Variants in CYP7B1 observed in about 807,000 individuals in gnomAD.
CYP7B1 encodes the protein cytochrome P450 family 7 subfamily B member 1.
A neutral mutation model predicts 42.7 loss-of-function variants in CYP7B1; 29 were observed. That is an observed-to-expected ratio of 0.68 (90% confidence interval 0.51 to 0.93). The LOEUF (loss-of-function observed/expected upper bound fraction) is 0.93, where lower values mean the gene tolerates loss of function less well. Ranked by LOEUF, CYP7B1 falls within the 40% of genes least tolerant of loss-of-function variation. The pLI, the probability that CYP7B1 is intolerant of heterozygous loss-of-function variation, is 0.00. For missense variants in CYP7B1, 655 were observed against 600.5 expected (o/e 1.09, Z -0.95); for synonymous variants, 235 against 218.2 (o/e 1.08, Z -0.68).
chr8:64,643,184 T>TATATACACATATATACATATATATAC (rs1563374423), intron 1 of CYP7B1, among the ~76,000 whole-genome samples: 7 of 38,214 alleles, frequency 1.8e-4, no homozygotes, highest in Non-Finnish European at 5.1e-4. Flanking sequence ...TATATATACA[T>TATATACACATATATACATATATATAC]ATATATATAC....
At chr8:64,756,176 C>A (rs1026795529) in intron 1 of CYP7B1, among the ~76,000 whole-genome samples, 23 of 152,168 alleles carry the variant, frequency 1.5e-4, no homozygotes, top group African/African-American at 1.9e-4. Context: ...ATTTCCCCCC[C>A]TCTAGTCCTT....
At chr8:64,685,985 C>T (rs1308449046) in intron 1 of CYP7B1, among the ~76,000 whole-genome samples, 2 of 47,678 alleles carry the variant, frequency 4.2e-5, no homozygotes, top group African/African-American at 1.0e-4. Context: ...CGCCTCTGCC[C>T]GGCCGCCCCT....
chr8:64,682,830 T>C (rs1349305979), intron 1 of CYP7B1, among the ~76,000 whole-genome samples: 1 of 152,184 alleles, frequency 6.6e-6, no homozygotes, highest in Non-Finnish European at 1.5e-5. Context: ...CTATCCATCA[T>C]CTCCACTGGG....
intron 4 of CYP7B1, among the ~76,000 whole-genome samples, chr8:64,609,409 G>A (rs1010825627): frequency 2.6e-5 from 4 of 152,160 alleles, no homozygotes; most frequent in Non-Finnish European, 2.9e-5. Context: ...ATACTGAGGT[G>A]AAATTTTCCT....
At chr8:64,608,466 T>C (rs1293762799) in intron 4 of CYP7B1, among the ~76,000 whole-genome samples, 3 of 152,188 alleles carry the variant, frequency 2.0e-5, no homozygotes, top group African/African-American at 4.8e-5. Context: ...ATCTTAATGA[T>C]TGGTGCAGGC....
At chr8:64,754,019 TG>T (rs1263932209) in intron 1 of CYP7B1, among the ~76,000 whole-genome samples, 1 of 151,764 alleles carries the variant, frequency 6.6e-6, no homozygotes, top group Non-Finnish European at 1.5e-5. Flanking sequence ...GAGGCCAGTG[TG>T]GTTGGTGCTC....
At chr8:64,620,681 A>G (rs1307093244) in intron 2 of CYP7B1, among the ~76,000 whole-genome samples, 1 of 152,210 alleles carries the variant, frequency 6.6e-6, no homozygotes, top group Non-Finnish European at 1.5e-5. Flanking sequence ...CATTTTCTAA[A>G]TGAGCTACTT....
intron 1 of CYP7B1, among the ~76,000 whole-genome samples, chr8:64,715,539 A>G (rs1354498253): frequency 3.3e-5 from 5 of 152,220 alleles, no homozygotes; most frequent in African/African-American, 1.2e-4. Context: ...AGAGAAGAGG[A>G]AAGAACATCC....
At chr8:64,782,914 T>C (rs1804453577) in intron 1 of CYP7B1, among the ~76,000 whole-genome samples, 1 of 152,164 alleles carries the variant, frequency 6.6e-6, no homozygotes, top group East Asian at 1.9e-4. Context: ...AGACAATGTG[T>C]AACAGTGAAG....
intron 1 of CYP7B1, among the ~76,000 whole-genome samples, chr8:64,737,974 G>C (rs1307738442): frequency 6.6e-6 from 1 of 152,136 alleles, no homozygotes; most frequent in Non-Finnish European, 1.5e-5. Flanking sequence ...ATACTGGTTT[G>C]TTAGTCTTTT....
intron 1 of CYP7B1, among the ~76,000 whole-genome samples, chr8:64,639,819 TA>T (rs1805826878): frequency 6.6e-6 from 1 of 152,148 alleles, no homozygotes; most frequent in Non-Finnish European, 1.5e-5. Flanking sequence ...TGAATGTTCA[TA>T]GGAGTATTAA....
intron 1 of CYP7B1, among the ~76,000 whole-genome samples, chr8:64,648,232 T>C (rs1805983770): frequency 6.6e-6 from 1 of 152,186 alleles, no homozygotes; most frequent in Non-Finnish European, 1.5e-5. Context: ...TCACTTCTTA[T>C]TTTGATCTTT....
At position 64,798,466 on chromosome 8, in the gene CYP7B1, C is replaced by A. The variant is rs1585921229; in HGVS notation, c.122G>T (p.Arg41Met). The A allele has an allele frequency of 6.6e-7, 1 of 1,511,990 alleles. No homozygotes were observed. The highest frequency in any genetic ancestry group is 1.4e-5 in the African/African-American group (1 of 69,938). 93.7% of individuals were successfully genotyped at this position (1,511,990 alleles called of 1,614,324 possible). A position where few individuals can be genotyped will look rare whatever the true frequency, so the allele number is the denominator to read the frequency against. ...GTGGCCTGGCGGCCGAGGCGCTTACCTGGTGCGCCGGACAAGCAAGCAGAG... is the reference window on the plus strand; with the variant it reads ...GTGGCCTGGCGGCCGAGGCGCTTACATGGTGCGCCGGACAAGCAAGCAGAG... ...LALCLLVRRT[R>M]RPGEPPLIKG... The change falls in exon 1 of 6, where the codon AGG becomes ATG. Residue 41 changes from arginine to methionine, a missense_variant and splice_region_variant. Arg to Met is a moderately conservative substitution (Grantham distance 91). Transcript: ENST00000310193.
chr8:64,605,036 C>T (rs894757182), intron 4 of CYP7B1, among the ~76,000 whole-genome samples, 179 bp from the exon 5 acceptor site: 2 of 152,066 alleles, frequency 1.3e-5, no homozygotes, highest in African/African-American at 4.8e-5. Flanking sequence ...TGAGCAGGGG[C>T]GGTGGTCTGG....
intron 1 of CYP7B1, among the ~76,000 whole-genome samples, chr8:64,787,715 C>T (rs953829077): frequency 2.6e-5 from 4 of 152,210 alleles, no homozygotes; most frequent in Admixed American, 1.3e-4. Flanking sequence ...ATCTGTATAG[C>T]AGTGCCCCAC....
At chr8:64,614,770 A>T (rs1805408862) in intron 4 of CYP7B1, among the ~76,000 whole-genome samples, 1 of 152,194 alleles carries the variant, frequency 6.6e-6, no homozygotes, top group Non-Finnish European at 1.5e-5. Context: ...ATAGGCATAA[A>T]CTTTTTTTCA....
intron 1 of CYP7B1, among the ~76,000 whole-genome samples, chr8:64,651,052 A>C (rs1247258497): frequency 2.0e-5 from 3 of 152,236 alleles, no homozygotes. Context: ...GACGGAGATG[A>C]GGAAGAAGGC....
intron 1 of CYP7B1, among the ~76,000 whole-genome samples, chr8:64,697,940 T>C (rs867042137): frequency 2.0e-5 from 3 of 152,186 alleles, no homozygotes; most frequent in African/African-American, 2.4e-5. Context: ...AGGGCTCACA[T>C]AGACCAGATA....
chr8:64,789,949 G>T (rs1585916428), intron 1 of CYP7B1, among the ~76,000 whole-genome samples: 1 of 152,306 alleles, frequency 6.6e-6, no homozygotes, highest in African/African-American at 2.4e-5. Flanking sequence ...ACATTTCTCA[G>T]ATTATCTCAG....
Sources: allele counts gnomAD v4.1 joint callset (sites outside exome capture counted in the v4.1 genomes callset), GRCh38; gene constraint gnomAD v4.1.1; transcripts MANE v1.5; gene names NCBI Gene and HGNC (gene_info 2026-07-23, HGNC 2026-07-21).